Variants in TXNDC9 observed in about 807,000 individuals in gnomAD.
TXNDC9 encodes the protein thioredoxin domain containing 9, also known as thioredoxin domain-containing protein 9.
TXNDC9 carries 7 observed loss-of-function variants against 23.0 expected under a neutral mutation model. The observed-to-expected ratio is 0.30, with a 90% CI of 0.17 to 0.57. TXNDC9 has a LOEUF of 0.57. TXNDC9 is among the 20% of genes least tolerant of loss of function. TXNDC9 has a pLI of 0.90. For synonymous variants in TXNDC9, 72 were observed against 90.6 expected (o/e 0.79, Z 1.17); for missense variants, 198 against 252.6 (o/e 0.78, Z 1.47).
chr2:99,327,344 G>A lies in TXNDC9; in HGVS notation c.308+191C>T, dbSNP rs146100403. 2.9e-3 allele frequency among the ~76,000 whole-genome samples: 440 copies of A among 152,286 alleles called. 3 individuals are homozygous for A. Among genetic ancestry groups the A allele is most frequent in the African/African-American group, 0.01 (426 of 41,554 alleles). On this transcript the variant is annotated intron_variant, in intron 3 of 4. Transcript: ENST00000264255. ...CCCACTTGGCCTCCCAAAGTGCTGA[G>A]ATTGCAGGCTTGAGTCACTGGGCCC...
chr2:99,331,112 C>T (rs146089294), intron 2 of TXNDC9, among the ~76,000 whole-genome samples: 1,928 of 152,298 alleles, frequency 0.013, 17 homozygotes, highest in Middle Eastern at 0.037. Flanking sequence ...AATTCAGTCT[C>T]TCTACAAAAA....
chr2:99,335,645 T>C (rs1313399027), intron 1 of TXNDC9, among the ~76,000 whole-genome samples: 3 of 152,140 alleles, frequency 2.0e-5, no homozygotes, highest in Non-Finnish European at 2.9e-5. Flanking sequence ...GATAATAAGA[T>C]ACTGAATTGA....
At chr2:99,332,899 G>T in intron 2 of TXNDC9, 123 bp downstream of exon 2, 1 of 798,820 alleles carries the variant, frequency 1.3e-6, no homozygotes, top group Non-Finnish European at 2.0e-6. Context: ...ACAGTAATAG[G>T]TATTCTGAAT....
At chr2:99,322,762 T>C in intron 3 of TXNDC9, 1 of 1,345,752 alleles carries the variant, frequency 7.4e-7, no homozygotes, top group Non-Finnish European at 9.6e-7. Context: ...AGTAACTTTT[T>C]TATTTTTTAT....
the TXNDC9 span, chr2:99,306,771 C>A: frequency 4.4e-6 from 2 of 455,416 alleles, no homozygotes; most frequent in Non-Finnish European, 8.8e-6. Context: ...CAACCTACGG[C>A]CCTAGGGCCA....
At chr2:99,333,340 ACT>A (rs1334126008) in intron 1 of TXNDC9, 98 bp from the exon 2 acceptor site, 1 of 958,294 alleles carries the variant, frequency 1.0e-6, no homozygotes, top group Non-Finnish European at 1.5e-6. Context: ...TATAATGTGT[ACT>A]CTATGGAGTA....
chr2:99,311,777 C>T, the TXNDC9 span, among the ~76,000 whole-genome samples: 1 of 152,180 alleles, frequency 6.6e-6, no homozygotes, highest in Non-Finnish European at 1.5e-5. Context: ...TGATTTTTGT[C>T]TTTATGATCA....
the TXNDC9 span, among the ~76,000 whole-genome samples, chr2:99,307,640 G>T: frequency 8.7e-6 from 1 of 115,544 alleles, no homozygotes; most frequent in Admixed American, 1.0e-4. Context: ...AGTTTGAAAA[G>T]ATTTGTAGAT....
chr2:99,327,146 C>T (rs144534633), intron 3 of TXNDC9, among the ~76,000 whole-genome samples: 1 of 152,140 alleles, frequency 6.6e-6, no homozygotes, highest in Non-Finnish European at 1.5e-5. Flanking sequence ...GATCTCCGCT[C>T]ACTGCAACCT....
downstream of TXNDC9, among the ~76,000 whole-genome samples, chr2:99,316,944 G>A (rs377403334): frequency 3.5e-4 from 53 of 152,244 alleles, no homozygotes; most frequent in East Asian, 7.4e-3. Flanking sequence ...TTTTAGTAGA[G>A]ACGGGGTTTC....
intron 3 of TXNDC9, among the ~76,000 whole-genome samples, chr2:99,325,348 G>GAGTGATACT (rs1271993647): frequency 6.6e-6 from 1 of 152,046 alleles, no homozygotes; most frequent in Non-Finnish European, 1.5e-5. Flanking sequence ...TTTAGTATCT[G>GAGTGATACT]AGTGATACTA....
rs1020041957 is a variant in TXNDC9, at chr2:99,320,692, C to T, written c.564-893G>A. On this transcript the variant is annotated intron_variant, in intron 4 of 4. Coordinates refer to ENST00000264255, the MANE Select transcript of TXNDC9 (RefSeq NM_005783.4). ...TGTTTCAATAATTGTACTGTCGCTA[C>T]GTAAGAAAATGTTCTTGTTCTTAGA... Among the ~76,000 whole-genome samples, 8 of 152,078 alleles carry T rather than the reference C, an allele frequency of 5.3e-5. No homozygotes were observed. In the South Asian group the frequency reaches 6.2e-4, roughly 12 times the overall value.
chr2:99,313,832 C>T, the TXNDC9 span, among the ~76,000 whole-genome samples: 1 of 152,130 alleles, frequency 6.6e-6, no homozygotes, highest in Admixed American at 6.6e-5. Flanking sequence ...TCTGTTTATT[C>T]ATATCCTTCA....
the TXNDC9 span, among the ~76,000 whole-genome samples, chr2:99,309,512 TAAAAA>T: frequency 1.3e-5 from 2 of 150,348 alleles, no homozygotes; most frequent in African/African-American, 2.4e-5. Context: ...TTGTTTCAAT[TAAAAA>T]AAAAGAAAAG....
At chr2:99,316,431 A>G (rs2094189165), downstream of TXNDC9, among the ~76,000 whole-genome samples, 1 of 152,116 alleles carries the variant, frequency 6.6e-6, no homozygotes. Context: ...CAAGCTCCAA[A>G]GCGCTGGGAT....
chr2:99,324,003 G>A (rs1368422305), intron 3 of TXNDC9, among the ~76,000 whole-genome samples: 7 of 151,794 alleles, frequency 4.6e-5, no homozygotes, highest in African/African-American at 1.5e-4. Flanking sequence ...CTGCCACCAC[G>A]CCCGGCTAAT....
At chr2:99,308,045 A>G in the TXNDC9 span, among the ~76,000 whole-genome samples, 1 of 152,216 alleles carries the variant, frequency 6.6e-6, no homozygotes, top group Non-Finnish European at 1.5e-5. Context: ...TCTAGAGTCC[A>G]TAGACGGAAC....
At chr2:99,307,054 TCCTCC>T in the TXNDC9 span, among the ~76,000 whole-genome samples, 8 of 133,148 alleles carry the variant, frequency 6.0e-5, no homozygotes, top group African/African-American at 1.4e-4. Flanking sequence ...TTCCTTCCCT[TCCTCC>T]CTTCCTCTTC....
chr2:99,328,402 G>A lies in TXNDC9; in HGVS notation c.190-749C>T, dbSNP rs889815547. The stretch of plus-strand genomic sequence containing the variant: ...TAGGCATGAGCCACTGTGCCTGGCT[G>A]AAGTCAAAGAAAAATGAATGTTTTT... On this transcript the variant is annotated intron_variant, in intron 2 of 4. Coordinates refer to ENST00000264255, the MANE Select transcript of TXNDC9 (RefSeq NM_005783.4). 2.6e-5 allele frequency among the ~76,000 whole-genome samples: 4 copies of A among 151,932 alleles called. No homozygotes were observed. In the South Asian group the frequency reaches 8.3e-4, roughly 31 times the overall value.
Sources: allele counts gnomAD v4.1 joint callset (sites outside exome capture counted in the v4.1 genomes callset), GRCh38; gene constraint gnomAD v4.1.1; transcripts MANE v1.5; gene names NCBI Gene and HGNC (gene_info 2026-07-23, HGNC 2026-07-21).